The following AGAP1 variants were observed in gnomAD, a reference collection of about 807,000 sequenced individuals.
AGAP1 encodes the protein ArfGAP with GTPase domain, ankyrin repeat and PH domain 1, also known as arf-GAP with GTPase, ANK repeat and PH domain-containing protein 1.
In AGAP1, 29 loss-of-function variants were observed where a neutral mutation model predicts 105.3. That is an observed-to-expected ratio of 0.28 (90% CI 0.21 to 0.38). The LOEUF (loss-of-function observed/expected upper bound fraction) is 0.38, where lower values mean the gene tolerates loss of function less well. Among genes scored for constraint, AGAP1 ranks in the 10% least tolerant of loss-of-function variants. The pLI is 1.00. For missense variants in AGAP1, 998 were observed against 1,165.1 expected (o/e 0.86, Z 2.09); for synonymous variants, 509 against 485.9 (o/e 1.05, Z -0.63).
chr2:235,784,480 TC>T (rs1178457366), intron 6 of AGAP1, among the ~76,000 whole-genome samples: 2 of 151,998 alleles, frequency 1.3e-5, no homozygotes, highest in Non-Finnish European at 2.9e-5. Context: ...GAAATCTTGA[TC>T]GGAGATGGCC....
At chr2:236,025,227 G>A (rs551598661) in intron 13 of AGAP1, among the ~76,000 whole-genome samples, 40 of 152,112 alleles carry the variant, frequency 2.6e-4, no homozygotes, top group African/African-American at 7.0e-4. Flanking sequence ...TGAAAGCTCC[G>A]AACAGGGCAT....
chr2:236,086,737 G>A (rs1029232250), intron 16 of AGAP1, among the ~76,000 whole-genome samples: 10 of 152,174 alleles, frequency 6.6e-5, no homozygotes, highest in African/African-American at 2.4e-4. Context: ...GATAGAAAGG[G>A]AACGAAGTCA....
rs556399474 is a variant in AGAP1 at position 235,787,352 on chromosome 2, A to G, written c.674-10407A>G. Among the ~76,000 whole-genome samples the G allele has an allele frequency of 2.0e-5, 3 of 152,284 alleles. No individual in the cohort carries two copies. The highest frequency in any genetic ancestry group is 2.1e-4 in the South Asian group (1 of 4,826). On this transcript the variant is annotated intron_variant, in intron 6 of 17. Coordinates refer to ENST00000304032, the MANE Select transcript of AGAP1 (RefSeq NM_001037131.3). The surrounding 1 kb of genome is among the most constrained non-coding windows in gnomAD (Gnocchi z 4.4). ...TTTTCCTGCTTTAAGTGCCTCTTCT[A>G]TGTCTGTGCAACATTCATTAATTTC...
At chr2:235,538,201 A>C (rs181846879) in intron 1 of AGAP1, among the ~76,000 whole-genome samples, 1 of 152,304 alleles carries the variant, frequency 6.6e-6, no homozygotes, top group African/African-American at 2.4e-5. Flanking sequence ...TGGTTGTACA[A>C]GTTGGGTGTT....
chr2:235,498,053 A>T (rs1175281866), intron 1 of AGAP1, among the ~76,000 whole-genome samples: 1 of 152,144 alleles, frequency 6.6e-6, no homozygotes, highest in African/African-American at 2.4e-5. Context: ...GTCCAGGGGA[A>T]GGATGTTTTG....
chr2:235,685,971 T>C (rs553398331), intron 1 of AGAP1, among the ~76,000 whole-genome samples: 1 of 152,226 alleles, frequency 6.6e-6, no homozygotes, highest in African/African-American at 2.4e-5. Context: ...CTGACATTCT[T>C]TTGAGTTTCT....
At chr2:235,671,645 C>T (rs1413182455) in intron 1 of AGAP1, among the ~76,000 whole-genome samples, 5 of 152,210 alleles carry the variant, frequency 3.3e-5, no homozygotes, top group Non-Finnish European at 5.9e-5. Flanking sequence ...CCCCTCTCTC[C>T]ACAGCTTTCC....
rs1048280775 is a variant in AGAP1, at chr2:235,908,523, A to G, written c.1156-215A>G. The stretch of plus-strand genomic sequence containing the variant: ...CTCTCCTTACATCTCTAGGTCCTGG[A>G]TTAGTTCAGGACACAGAAGCAAAAC... On this transcript the variant is annotated intron_variant, in intron 10 of 17. Transcript: ENST00000304032. This position sits in a 1 kb window ranked among gnomAD's most constrained non-coding sequence, Gnocchi z 4.4. 4.6e-5 allele frequency among the ~76,000 whole-genome samples: 7 copies of G among 152,098 alleles called. No homozygotes were observed. Among genetic ancestry groups the G allele is most frequent in the Non-Finnish European group, 8.8e-5 (6 of 68,012 alleles).
chr2:235,935,197 A>T (rs1005410428), intron 12 of AGAP1, among the ~76,000 whole-genome samples: 1 of 152,208 alleles, frequency 6.6e-6, no homozygotes, highest in Non-Finnish European at 1.5e-5. Flanking sequence ...CGTTGCTAAC[A>T]TGAGACCTGC....
At chr2:235,731,506 G>A (rs548194776) in intron 3 of AGAP1, among the ~76,000 whole-genome samples, 16 of 152,316 alleles carry the variant, frequency 1.1e-4, no homozygotes, top group South Asian at 4.1e-4. Context: ...TTATGGCTGC[G>A]TATTAGGAAG....
intron 9 of AGAP1, among the ~76,000 whole-genome samples, chr2:235,812,937 C>T (rs999606099): frequency 6.6e-6 from 1 of 152,242 alleles, no homozygotes; most frequent in Non-Finnish European, 1.5e-5. Flanking sequence ...CCGTGCCCTG[C>T]AAGCTAATTG....
In AGAP1 at chr2:236,010,188, C is replaced by T. The variant is rs200790648; in HGVS notation, c.1646-26373C>T. Among the ~76,000 whole-genome samples the T allele has an allele frequency of 1.1e-4, 17 of 151,858 alleles. No homozygotes were observed. The East Asian group carries it at 2.7e-3, about 24-fold the overall frequency. On this transcript the variant is annotated intron_variant, in intron 13 of 17. Coordinates refer to ENST00000304032, the MANE Select transcript of AGAP1 (RefSeq NM_001037131.3). The stretch of plus-strand genomic sequence containing the variant: ...TTATTTCAAAATAAAAATTTAAGTT[C>T]CTCATGTCGCAGGAACCCAGATGAA...
chr2:235,606,528 G>T (rs1244670482), intron 1 of AGAP1, among the ~76,000 whole-genome samples: 1 of 152,030 alleles, frequency 6.6e-6, no homozygotes, highest in Non-Finnish European at 1.5e-5. Flanking sequence ...TAAAAAAGTG[G>T]GCATCAGAAT....
At chr2:235,505,172 A>T (rs983105361) in intron 1 of AGAP1, among the ~76,000 whole-genome samples, 1 of 152,248 alleles carries the variant, frequency 6.6e-6, no homozygotes, top group Non-Finnish European at 1.5e-5. Flanking sequence ...TATGGCCTTC[A>T]TAGTTACGTA....
At chr2:235,713,299 C>A (rs1950942301) in intron 2 of AGAP1, among the ~76,000 whole-genome samples, 1 of 152,306 alleles carries the variant, frequency 6.6e-6, no homozygotes, top group Middle Eastern at 3.4e-3. Flanking sequence ...GGTAGAAATT[C>A]TCCGATTATA....
intron 1 of AGAP1, chr2:235,671,145 G>A (rs1323599302): frequency 1.6e-6 from 2 of 1,221,672 alleles, no homozygotes; most frequent in South Asian, 3.8e-5. Flanking sequence ...CCGCCCTCCC[G>A]GGTCGGGAGC....
rs1271824494 is a variant in AGAP1, at chr2:236,080,551, A to G, written c.2114+31270A>G. Among the ~76,000 whole-genome samples the G allele has an allele frequency of 6.6e-6, 1 of 152,226 alleles. No individual in the cohort carries two copies. The highest frequency in any genetic ancestry group is 1.5e-5 in the Non-Finnish European group (1 of 68,040). On this transcript the variant is annotated intron_variant, in intron 16 of 17. Coordinates refer to ENST00000304032, the MANE Select transcript of AGAP1 (RefSeq NM_001037131.3). This position sits in a 1 kb window ranked among gnomAD's most constrained non-coding sequence, Gnocchi z 4.2. ...AGGGCAGCCACCTGCTGTATCTTGT[A>G]CACGTTTCATCCATCCAGCTTTTAG... is the stretch of plus-strand genomic sequence containing the variant.
chr2:235,968,849 G>A (rs1036810052), intron 13 of AGAP1, among the ~76,000 whole-genome samples: 4 of 152,080 alleles, frequency 2.6e-5, no homozygotes, highest in Admixed American at 6.6e-5. Flanking sequence ...ACTCTTGGCC[G>A]CCGTCGCTGG....
intron 1 of AGAP1, among the ~76,000 whole-genome samples, chr2:235,522,947 A>G (rs1559221543): frequency 6.6e-6 from 1 of 152,170 alleles, no homozygotes; most frequent in Admixed American, 6.5e-5. Context: ...TGCCACCAGG[A>G]TGTCTTAGCT....
Sources: allele counts gnomAD v4.1 joint callset (sites outside exome capture counted in the v4.1 genomes callset), GRCh38; gene constraint gnomAD v4.1.1; non-coding constraint Gnocchi (gnomAD v3.1); transcripts MANE v1.5; gene names NCBI Gene and HGNC (gene_info 2026-07-23, HGNC 2026-07-21).